Variants in EVI5 observed in about 807,000 individuals in gnomAD.
EVI5 encodes ecotropic viral integration site 5.
EVI5 carries 73 observed loss-of-function variants against 112.0 expected under a neutral mutation model. That is an observed-to-expected ratio of 0.65 (90% confidence interval 0.54 to 0.79). The LOEUF (loss-of-function observed/expected upper bound fraction) is 0.79. EVI5 is among the 30% of genes least tolerant of loss of function. The pLI is 0.00. For missense variants in EVI5, 900 were observed against 968.8 expected, an observed-to-expected ratio of 0.93 and a Z score of 0.94; for synonymous variants, 305 against 319.9, an observed-to-expected ratio of 0.95 and a Z score of 0.50.
At chr1:92,710,125 T>C (rs1005369141) in intron 2 of EVI5, among the ~76,000 whole-genome samples, 14 of 139,208 alleles carry the variant, frequency 1.0e-4, no homozygotes, top group African/African-American at 3.5e-4. Context: ...GGTGGATTGC[T>C]TGAGCCCAGG....
intron 1 of EVI5, among the ~76,000 whole-genome samples, chr1:92,766,291 G>A (rs964079859): frequency 5.3e-5 from 8 of 151,284 alleles, no homozygotes; most frequent in African/African-American, 1.9e-4. Flanking sequence ...ACACAAAATT[G>A]TTTTGTTTCA....
chr1:92,714,029 G>C (rs1347329391), intron 2 of EVI5: 1 of 984,530 alleles, frequency 1.0e-6, no homozygotes, highest in Non-Finnish European at 1.2e-6. Context: ...AAGCCTTTGT[G>C]ATTTTAAAAT....
In EVI5 at chr1:92,665,989, A is replaced by G. The variant is rs769413199; in HGVS notation, c.1162T>C (p.Leu388=). 1.3e-6 allele frequency: 2 copies of G among 1,592,770 alleles called. No individual in the cohort carries two copies. The highest frequency in any genetic ancestry group is 1.7e-6 in the Non-Finnish European group (2 of 1,172,364). Residue 388 remains leucine (L), a synonymous_variant, in exon 11 of 20, where the codon TTA becomes CTA. Coordinates refer to ENST00000684568, the MANE Select transcript of EVI5 (RefSeq NM_001350197.2). The part of the protein sequence containing the change: ...EMEEQVEIKR[L]RTENRLLKQR... ...TTTAAAAGTCTATTTTCTGTGCGTA[A>G]CCTCTGCCAAGAAAAAAAAAGTTTT...
chr1:92,608,382 A>G (rs1308843106), intron 16 of EVI5, among the ~76,000 whole-genome samples: 1 of 152,162 alleles, frequency 6.6e-6, no homozygotes, highest in Non-Finnish European at 1.5e-5. Context: ...TCCTCTTTCC[A>G]GTTCCAGAAA....
In EVI5 at chr1:92,513,962, G is replaced by A. The variant is rs140423717; in HGVS notation, c.2175C>T (p.Cys725=). The A allele has an allele frequency of 6.5e-7, 1 of 1,543,962 alleles. No homozygotes were observed. Among genetic ancestry groups the A allele is most frequent in the Non-Finnish European group, 8.8e-7 (1 of 1,142,062 alleles). Residue 725 remains cysteine, a synonymous_variant, in exon 20 of 20, where the codon TGC becomes TGT. Coordinates refer to ENST00000684568, the MANE Select transcript of EVI5 (RefSeq NM_001350197.2). ...CTGAGAAGCCCCTCTGGCCTTTTAG[G>A]CACCTGAGCTGTTAAAACAAAATCC... is the stretch of plus-strand genomic sequence containing the variant. The part of the protein sequence containing the change: ...QIAELNHELR[C]LKGQRGFSGQ...
chr1:92,610,810 G>A (rs1651592772), intron 16 of EVI5, among the ~76,000 whole-genome samples: 3 of 152,012 alleles, frequency 2.0e-5, no homozygotes, highest in South Asian at 4.2e-4. Flanking sequence ...AGTGAGATAT[G>A]ATGGTTTAAG....
At chr1:92,620,598 CAAG>C (rs1187363458) in intron 16 of EVI5, among the ~76,000 whole-genome samples, 2 of 151,898 alleles carry the variant, frequency 1.3e-5, no homozygotes, top group Non-Finnish European at 2.9e-5. Context: ...TGGTTTCTGA[CAAG>C]AAGATAGCAG....
At position 92,720,470 on chromosome 1, in the gene EVI5, C is replaced by T. The variant is rs529428895; in HGVS notation, c.150-15726G>A. On this transcript the variant is annotated intron_variant, in intron 2 of 19. Coordinates refer to ENST00000684568, the MANE Select transcript of EVI5 (RefSeq NM_001350197.2). The stretch of plus-strand genomic sequence containing the variant: ...AATGATGCTGGGAAAACTGGCTAGC[C>T]ATATGTAGAAAGCTGAAACTGGATC... Among the ~76,000 whole-genome samples the T allele has an allele frequency of 8.6e-5, 13 of 150,880 alleles. No homozygotes were observed. In the East Asian group the frequency reaches 1.7e-3, roughly 20 times the overall value.
intron 1 of EVI5, among the ~76,000 whole-genome samples, chr1:92,774,437 GC>G (rs1393579006): frequency 6.6e-6 from 1 of 152,024 alleles, no homozygotes; most frequent in Middle Eastern, 3.2e-3. Flanking sequence ...AAAGATTCAG[GC>G]CAAAGACAAC....
chr1:92,683,054 G>A (rs767007982), intron 9 of EVI5, among the ~76,000 whole-genome samples: 16 of 152,096 alleles, frequency 1.1e-4, no homozygotes, highest in Non-Finnish European at 1.6e-4. Context: ...AACTGGCAAA[G>A]GCAGTCATTA....
chr1:92,713,173 T>TAA (rs1673097908), intron 2 of EVI5, among the ~76,000 whole-genome samples: 1 of 151,928 alleles, frequency 6.6e-6, no homozygotes, highest in Admixed American at 6.6e-5. Flanking sequence ...ATTACCAAGA[T>TAA]AGTCTCTTTT....
intron 13 of EVI5, chr1:92,647,159 C>T (rs1661125512): frequency 1.2e-5 from 2 of 161,734 alleles, no homozygotes; most frequent in Non-Finnish European, 2.7e-5. Context: ...CCAGACTTGC[C>T]GTTAGACTTA....
At chr1:92,775,356 G>A (rs1372797865) in intron 1 of EVI5, among the ~76,000 whole-genome samples, 1 of 151,988 alleles carries the variant, frequency 6.6e-6, no homozygotes, top group African/African-American at 2.4e-5. Flanking sequence ...GAACCCAGGA[G>A]GCAGAAGTTG....
chr1:92,754,284 A>C (rs1345620472), intron 1 of EVI5, among the ~76,000 whole-genome samples: 1 of 152,210 alleles, frequency 6.6e-6, no homozygotes. Flanking sequence ...CATAGGCATA[A>C]GGCTAGGCAT....
intron 18 of EVI5, among the ~76,000 whole-genome samples, chr1:92,583,514 A>G (rs1672294819): frequency 7.0e-6 from 1 of 142,790 alleles, no homozygotes; most frequent in South Asian, 2.1e-4. Context: ...CTGTCTCAAA[A>G]AAAAAAAAAA....
At chr1:92,641,480 A>G (rs1017474641) in intron 13 of EVI5, among the ~76,000 whole-genome samples, 1 of 152,222 alleles carries the variant, frequency 6.6e-6, no homozygotes, top group African/African-American at 2.4e-5. Flanking sequence ...CTGATGGTTA[A>G]TCTATTTTTA....
chr1:92,678,419 G>A (rs995451165), intron 9 of EVI5, among the ~76,000 whole-genome samples: 1 of 152,004 alleles, frequency 6.6e-6, no homozygotes, highest in Admixed American at 6.6e-5. Flanking sequence ...GTAGTTGCAG[G>A]TACTCAGAGG....
chr1:92,600,946 T>C (rs1649038375), intron 18 of EVI5, among the ~76,000 whole-genome samples: 1 of 152,076 alleles, frequency 6.6e-6, no homozygotes, highest in Non-Finnish European at 1.5e-5. Context: ...AATACACACA[T>C]CCACGACTGA....
chr1:92,767,224 T>C lies in EVI5; in HGVS notation c.-82+17612A>G, dbSNP rs138462765. On this transcript the variant is annotated intron_variant, in intron 1 of 19. Transcript: ENST00000684568. ...CCGCCTGTTAGTTACTTAGTATGCA[T>C]CTCATTTATCAGATCCACTATTGTT... Among the ~76,000 whole-genome samples the C allele has an allele frequency of 4.1e-3, 617 of 152,344 alleles. 4 individuals are homozygous for C. Among genetic ancestry groups the C allele is most frequent in the African/African-American group, 0.014 (569 of 41,582 alleles).
Sources: allele counts gnomAD v4.1 joint callset (sites outside exome capture counted in the v4.1 genomes callset), GRCh38; gene constraint gnomAD v4.1.1; transcripts MANE v1.5; gene names NCBI Gene and HGNC (gene_info 2026-07-23, HGNC 2026-07-21).